ATP13A3: variants seen among roughly 807,000 people sequenced by gnomAD.
The protein encoded by ATP13A3 is polyamine-transporting ATPase 13A3.
In ATP13A3, 59 loss-of-function variants were observed where a neutral mutation model predicts 158.1. That is an observed-to-expected ratio of 0.37 (90% CI 0.30 to 0.46). The LOEUF (loss-of-function observed/expected upper bound fraction) is 0.46. Among genes scored for constraint, ATP13A3 ranks in the 20% least tolerant of loss-of-function variants. ATP13A3 has a pLI of 1.00. For missense variants in ATP13A3, 1,166 were observed against 1,525.2 expected, an observed-to-expected ratio of 0.76 and a Z score of 3.92; for synonymous variants, 491 against 504.3, an observed-to-expected ratio of 0.97 and a Z score of 0.35.
At chr3:194,428,783 T>C (rs893580248) in intron 28 of ATP13A3, 62 bp downstream of exon 28, 4 of 1,257,578 alleles carry the variant, frequency 3.2e-6, no homozygotes, top group Non-Finnish European at 4.5e-6. Flanking sequence ...TTTACAAAAA[T>C]TTAATAAGTC....
chr3:194,432,418 A>G (rs1352783443), intron 21 of ATP13A3, among the ~76,000 whole-genome samples: 1 of 152,244 alleles, frequency 6.6e-6, no homozygotes, highest in African/African-American at 2.4e-5. Flanking sequence ...AGCAGCAAGA[A>G]CAGGATCTTA....
chr3:194,459,834 T>A lies in ATP13A3; in HGVS notation c.363A>T (p.Glu121Asp), dbSNP rs1203009003. 3 of 1,613,334 alleles carry A rather than the reference T, an allele frequency of 1.9e-6. No homozygotes were observed. Among genetic ancestry groups the A allele is most frequent in the Non-Finnish European group, 2.5e-6 (3 of 1,179,690 alleles). The change falls in exon 5 of 34, where the codon GAA becomes GAT. Residue 121 changes from glutamate (E) to aspartate (D), a missense_variant. Around this residue, in one of 3 missense-constraint regions of ATP13A3, gnomAD observed 104 missense variants for 91.7 expected, o/e 1.13. Transcript: ENST00000645319. ...AVCLIENPTE[E>D]NRHRISKYSQ... The stretch of plus-strand genomic sequence containing the variant: ...AATATTTACTGATCCTGTGCCTATT[T>A]TCTTCAGTGGGATTCTCAATTAAAC...
intron 2 of ATP13A3, among the ~76,000 whole-genome samples, chr3:194,471,568 G>C (rs1299353746): frequency 6.6e-6 from 1 of 152,014 alleles, no homozygotes; most frequent in African/African-American, 2.4e-5. Flanking sequence ...TGCCCAGGAT[G>C]GTCTCAAACT....
intron 2 of ATP13A3, among the ~76,000 whole-genome samples, chr3:194,479,112 T>C (rs1159137426): frequency 6.6e-6 from 1 of 152,194 alleles, no homozygotes; most frequent in East Asian, 1.9e-4. Flanking sequence ...GGGGGTACTC[T>C]TTAAGATGCT....
chr3:194,440,682 C>A (rs1002186779), intron 16 of ATP13A3, among the ~76,000 whole-genome samples: 1 of 152,188 alleles, frequency 6.6e-6, no homozygotes, highest in Non-Finnish European at 1.5e-5. Flanking sequence ...GAAGGAGAGA[C>A]ACCAGCCATG....
rs1376555020 is a variant in ATP13A3, at chr3:194,404,866, C to T, written c.*1053G>A. ...TGGCATAAAACAAACTCATCAAATT[C>T]ATATTGCTTTGAAAAAACGGCAGCC... On this transcript the variant is annotated 3_prime_UTR_variant, in exon 34 of 34. Transcript: ENST00000645319. 1 of 152,054 alleles carries T rather than the reference C, an allele frequency of 6.6e-6. No individual in the cohort carries two copies. The highest frequency in any genetic ancestry group is 2.4e-5 in the African/African-American group (1 of 41,364). The allele number at this position is 152,054 out of a possible 1,614,324, so 9.4% of individuals were successfully genotyped here. A position where few individuals can be genotyped will look rare whatever the true frequency, so the allele number is the denominator to read the frequency against.
intron 2 of ATP13A3, chr3:194,471,783 A>G (rs1423006643): frequency 1.3e-5 from 2 of 151,310 alleles, no homozygotes; most frequent in Non-Finnish European, 2.9e-5. Flanking sequence ...TGAAAACAGC[A>G]CAAGAGTCAC....
At chr3:194,450,584 C>CCTG in intron 10 of ATP13A3, 1 of 288,712 alleles carries the variant, frequency 3.5e-6, no homozygotes, top group South Asian at 4.2e-5. Context: ...GACTATTAGC[C>CCTG]TAAGGAAGAG....
chr3:194,493,445 G>A (rs909885561), intron 2 of ATP13A3, among the ~76,000 whole-genome samples: 2 of 151,796 alleles, frequency 1.3e-5, no homozygotes, highest in East Asian at 2.0e-4. Context: ...TCAGGAGTTC[G>A]AGACCAGCCT....
At chr3:194,473,042 T>A (rs1486977311) in intron 2 of ATP13A3, among the ~76,000 whole-genome samples, 2 of 152,216 alleles carry the variant, frequency 1.3e-5, no homozygotes, top group African/African-American at 4.8e-5. Flanking sequence ...TTGGGTACTC[T>A]GCTTACTACC....
chr3:194,461,442 C>A (rs990237571), intron 3 of ATP13A3, among the ~76,000 whole-genome samples: 7 of 152,120 alleles, frequency 4.6e-5, no homozygotes, highest in Non-Finnish European at 8.8e-5. Context: ...TATCACAGTA[C>A]ATTTGGACGA....
At chr3:194,447,702 T>C in intron 13 of ATP13A3, 150 bp downstream of exon 13, 1 of 692,604 alleles carries the variant, frequency 1.4e-6, no homozygotes, top group East Asian at 2.7e-5. Flanking sequence ...TAGCTACTAG[T>C]CTCATGACTT....
rs1472340530 is a variant in ATP13A3 at position 194,460,804 on chromosome 3, A to G, written c.79T>C (p.Trp27Arg). ...MEIYGYNLSR[W>R]KLAIVSLGVI... ...CCTAAAGAAACTATGGCAAGCTTCC[A>G]GCGACTCAAATTGTAACCATAAATC... The change falls in exon 4 of 34, where the codon TGG (tryptophan) becomes CGG (arginine). Residue 27 changes from tryptophan to arginine, a missense_variant. Transcript: ENST00000645319. 1 of 1,613,966 alleles carries G rather than the reference A, an allele frequency of 6.2e-7. No individual in the cohort carries two copies. The highest frequency in any genetic ancestry group is 1.3e-5 in the African/African-American group (1 of 74,942).
intron 20 of ATP13A3, 39 bp downstream of exon 20, chr3:194,437,056 G>A: frequency 6.3e-7 from 1 of 1,598,130 alleles, no homozygotes; most frequent in East Asian, 2.2e-5. Context: ...AACCATAAAT[G>A]ATGATGACTG....
In ATP13A3 at chr3:194,486,603, C is replaced by T. The variant is rs1720989579; in HGVS notation, c.-126G>A. The T allele has an allele frequency of 6.7e-6, 1 of 150,134 alleles. No individual in the cohort carries two copies. Among genetic ancestry groups the T allele is most frequent in the African/African-American group, 2.4e-5 (1 of 41,188 alleles). 9.3% of individuals were successfully genotyped at this position (150,134 alleles called of 1,614,324 possible). Reference sequence around the variant, plus strand: ...CTGGCCGCCGCCGCGCCGCCTCCTCCGCGGCCTCCCTCGCGGCCGGACCAG... The same window carrying T: ...CTGGCCGCCGCCGCGCCGCCTCCTCTGCGGCCTCCCTCGCGGCCGGACCAG... On this transcript the variant is annotated 5_prime_UTR_variant, in exon 1 of 34. Coordinates refer to ENST00000645319, the MANE Select transcript of ATP13A3 (RefSeq NM_001367549.1).
chr3:194,460,899 C>G, intron 3 of ATP13A3, 68 bp from the exon 4 acceptor site: 4 of 1,483,618 alleles, frequency 2.7e-6, no homozygotes, highest in Non-Finnish European at 3.7e-6. Context: ...GAAACACATT[C>G]CAAAGTTCTT....
upstream of ATP13A3, among the ~76,000 whole-genome samples, chr3:194,491,014 T>C (rs1721140249): frequency 6.6e-6 from 1 of 152,104 alleles, no homozygotes. Context: ...CGTGGTGGCG[T>C]GCGCCTGTAA....
At chr3:194,432,763 A>T (rs1197867359) in intron 21 of ATP13A3, among the ~76,000 whole-genome samples, 2 of 152,186 alleles carry the variant, frequency 1.3e-5, no homozygotes, top group South Asian at 4.1e-4. Context: ...TCTCCATATT[A>T]GTCTTACTGA....
chr3:194,493,780 A>G (rs1200200366), intron 2 of ATP13A3, among the ~76,000 whole-genome samples: 1 of 152,182 alleles, frequency 6.6e-6, no homozygotes, highest in African/African-American at 2.4e-5. Context: ...GAATACTTTC[A>G]TATGTTATCT....
Sources: allele counts gnomAD v4.1 joint callset (sites outside exome capture counted in the v4.1 genomes callset), GRCh38; gene constraint gnomAD v4.1.1; regional missense constraint gnomAD v4.1.1; transcripts MANE v1.5; gene names NCBI Gene and HGNC (gene_info 2026-07-23, HGNC 2026-07-21).